Variants in ADD2 observed in about 807,000 individuals in gnomAD.
ADD2 encodes adducin 2, also known as beta-adducin.
Under a neutral mutation model 83.0 loss-of-function variants are expected in ADD2, and 23 were observed. The observed-to-expected ratio is 0.28, with a 90% CI of 0.20 to 0.39. The LOEUF (loss-of-function observed/expected upper bound fraction) is 0.39. ADD2 is among the 10% of genes least tolerant of loss of function. The probability of loss-of-function intolerance (pLI) is 1.00; values close to 1 mark genes in which losing one functional copy is unlikely to be tolerated. For missense variants in ADD2, 758 were observed against 944.9 expected (o/e 0.80, Z 2.59); for synonymous variants, 375 against 375.4 (o/e 1.00, Z 0.01).
At chr2:70,761,081 T>C (rs1675061133) in intron 1 of ADD2, among the ~76,000 whole-genome samples, 1 of 152,130 alleles carries the variant, frequency 6.6e-6, no homozygotes, top group Non-Finnish European at 1.5e-5. Context: ...TTCCAACTAA[T>C]CAAGGAATAA....
intron 1 of ADD2, among the ~76,000 whole-genome samples, chr2:70,747,907 G>A (rs1241813046): frequency 3.3e-5 from 5 of 152,146 alleles, no homozygotes; most frequent in South Asian, 2.1e-4. Flanking sequence ...GTCAACAATC[G>A]AAATGGTACA....
At chr2:70,704,263 T>TGCCCCCCCCCACCCCCCCCC in intron 4 of ADD2, 58 bp downstream of exon 4, 1 of 913,238 alleles carries the variant, frequency 1.1e-6, no homozygotes, top group Non-Finnish European at 1.7e-6. Flanking sequence ...CTCCCTCTCT[T>TGCCCCCCCCCACCCCCCCCC]CCCCACCCCA....
rs1670987350 is a variant in ADD2 at position 70,690,793 on chromosome 2, G to A, written c.842C>T (p.Thr281Ile). The A allele has an allele frequency of 1.2e-6, 2 of 1,612,208 alleles. No homozygotes were observed. Among genetic ancestry groups the A allele is most frequent in the Admixed American group, 1.7e-5 (1 of 59,556 alleles). ...CAGAAGAGCTAAGCTAACCTTGCAGGTGGGTCCAAGGCACTTCTGCAGGTT... is the reference window on the plus strand; with the variant it reads ...CAGAAGAGCTAAGCTAACCTTGCAGATGGGTCCAAGGCACTTCTGCAGGTT... ...RINLQKCLGPTCKILVLRNHG... is the reference protein window; with the variant it reads ...RINLQKCLGPICKILVLRNHG... The change falls in exon 8 of 16, where the codon ACC becomes ATC. Residue 281 changes from threonine (T) to isoleucine (I), a missense_variant. This residue lies in a region of ADD2 where 394 missense variants were observed against 509.3 expected (regional missense o/e 0.77). Coordinates refer to ENST00000264436, the MANE Select transcript of ADD2 (RefSeq NM_001617.4).
chr2:70,697,330 T>C (rs1276661751), intron 4 of ADD2, among the ~76,000 whole-genome samples: 1 of 152,144 alleles, frequency 6.6e-6, no homozygotes, highest in Non-Finnish European at 1.5e-5. Flanking sequence ...TGGTTCTTTC[T>C]GGGAATTTGA....
intron 1 of ADD2, among the ~76,000 whole-genome samples, chr2:70,728,283 C>T (rs1280989038): frequency 6.6e-6 from 1 of 152,204 alleles, no homozygotes; most frequent in African/African-American, 2.4e-5. Flanking sequence ...ATTTCCAGTA[C>T]CTGTCTGCCA....
intron 7 of ADD2, 32 bp downstream of exon 7, chr2:70,692,371 T>G (rs1553371813): frequency 1.3e-6 from 2 of 1,510,378 alleles, no homozygotes; most frequent in South Asian, 2.7e-5. Flanking sequence ...CCTTACGTCT[T>G]TCCTTGGGTG....
intron 1 of ADD2, among the ~76,000 whole-genome samples, chr2:70,728,594 C>T (rs1673127739): frequency 6.6e-6 from 1 of 152,230 alleles, no homozygotes; most frequent in African/African-American, 2.4e-5. Flanking sequence ...TGTGAAAATA[C>T]ATTAAATGCT....
intron 2 of ADD2, among the ~76,000 whole-genome samples, chr2:70,711,855 C>T (rs1051839904): frequency 2.6e-5 from 4 of 152,116 alleles, no homozygotes; most frequent in Non-Finnish European, 5.9e-5. Flanking sequence ...ATGGGAACTC[C>T]TAAATTTATA....
rs1350255070 is a variant in ADD2 at position 70,661,135 on chromosome 2, TAG to T, written c.*2288_*2289del. On this transcript the variant is annotated 3_prime_UTR_variant, in exon 16 of 16. Coordinates refer to ENST00000264436, the MANE Select transcript of ADD2 (RefSeq NM_001617.4). ...AAGTGAGGCCTCATTGTCAAGGGAA[TAG>T]AGTGTGTTGAATGCAGAGGCAATCA... 3 of 152,130 alleles carry T rather than the reference TAG, an allele frequency of 2.0e-5. No homozygotes were observed. Among genetic ancestry groups the T allele is most frequent in the Non-Finnish European group, 2.9e-5 (2 of 68,018 alleles). 9.4% of individuals were successfully genotyped at this position (152,130 alleles called of 1,614,324 possible).
rs1675577535 is a variant in ADD2, at chr2:70,662,531, G to A, written c.*894C>T. On this transcript the variant is annotated 3_prime_UTR_variant, in exon 16 of 16. Coordinates refer to ENST00000264436, the MANE Select transcript of ADD2 (RefSeq NM_001617.4). Reference sequence around the variant, plus strand: ...TGCATTGCTCCAGGTGTCATGCAAAGCTAGAAAGTCAGCATTTCCTCTGTT... The same window carrying A: ...TGCATTGCTCCAGGTGTCATGCAAAACTAGAAAGTCAGCATTTCCTCTGTT... The A allele has an allele frequency of 6.6e-6, 1 of 152,232 alleles. No individual in the cohort carries two copies. Among genetic ancestry groups the A allele is most frequent in the African/African-American group, 2.4e-5 (1 of 41,446 alleles). The allele number at this position is 152,232 out of a possible 1,614,324, so 9.4% of individuals were successfully genotyped here.
intron 4 of ADD2, 52 bp downstream of exon 4, chr2:70,704,269 C>CCCCCCCCCCCCCCCCCCCCG: frequency 8.4e-7 from 1 of 1,187,734 alleles, no homozygotes; most frequent in Non-Finnish European, 1.2e-6. Context: ...CTCTTCCCCA[C>CCCCCCCCCCCCCCCCCCCCG]CCCACCCTCC....
In ADD2 at chr2:70,690,885, G is replaced by T. The variant is rs782336757; in HGVS notation, c.750C>A (p.Ala250=). The change falls in exon 8 of 16, where the codon GCC becomes GCA. Residue 250 remains alanine, a synonymous_variant. Coordinates refer to ENST00000264436, the MANE Select transcript of ADD2 (RefSeq NM_001617.4). ...KWGLLPVSHN[A]LLVGDMAYYD... is the part of the protein sequence containing the mutation. The stretch of plus-strand genomic sequence containing the variant: ...AATAGGCCATGTCCCCCACCAGCAG[G>T]GCATTGTGGGAGACAGGCAGGAGGC... 6.2e-7 allele frequency: 1 copy of T among 1,613,894 alleles called. No individual in the cohort carries two copies. Among genetic ancestry groups the T allele is most frequent in the Non-Finnish European group, 8.5e-7 (1 of 1,179,992 alleles).
intron 1 of ADD2, among the ~76,000 whole-genome samples, chr2:70,725,083 A>G (rs1672918484): frequency 6.6e-6 from 1 of 152,206 alleles, no homozygotes; most frequent in Non-Finnish European, 1.5e-5. Flanking sequence ...TACTTTTACA[A>G]GCTGCGAGGG....
In ADD2 at chr2:70,674,324, T is replaced by C. The variant is rs1333740437; in HGVS notation, c.1741+354A>G. Among the ~76,000 whole-genome samples the C allele has an allele frequency of 2.6e-5, 4 of 152,186 alleles. No homozygotes were observed. The South Asian group carries it at 8.3e-4, about 32-fold the overall frequency. On this transcript the variant is annotated intron_variant, in intron 14 of 15. Transcript: ENST00000264436. Reference sequence around the variant, plus strand: ...GGTGTCAGCTGGTGGAGGGTTTTGATTGCCAGGCTAAAAGGCTTATAGTAG... The same window carrying C: ...GGTGTCAGCTGGTGGAGGGTTTTGACTGCCAGGCTAAAAGGCTTATAGTAG...
At chr2:70,754,356 G>A (rs1382137060) in intron 1 of ADD2, among the ~76,000 whole-genome samples, 1 of 152,080 alleles carries the variant, frequency 6.6e-6, no homozygotes, top group Admixed American at 6.5e-5. Flanking sequence ...AAGCTAAAAT[G>A]TGGCTCTCCC....
intron 13 of ADD2, chr2:70,675,355 C>T: frequency 7.1e-6 from 7 of 986,312 alleles, no homozygotes; most frequent in Non-Finnish European, 8.4e-6. Flanking sequence ...CTGTTTCACA[C>T]ACAGTTGTAA....
Position 70,672,947 on chromosome 2 carries a change from G to A in ADD2, c.1801C>T (p.Pro601Ser), listed in dbSNP as rs781787461. 2 of 1,613,926 alleles carry A rather than the reference G, an allele frequency of 1.2e-6. No homozygotes were observed. The highest frequency in any genetic ancestry group is 1.7e-6 in the Non-Finnish European group (2 of 1,179,996). The change falls in exon 15 of 16, where the codon CCA becomes TCA. Residue 601 changes from proline (P) to serine (S), a missense_variant. Pro to Ser is a moderately conservative substitution (Grantham distance 74). This residue lies in a region of ADD2 where 165 missense variants were observed against 176.2 expected (regional missense o/e 0.94). Transcript: ENST00000264436. ...GCCTCCTTCGCTGGGCTCTGCACTG[G>A]AGAAGCAGGTGCAGACTTTGCAGGT... Reference protein sequence around the residue: ...GSPAKSAPASPVQSPAKEAET... With the variant: ...GSPAKSAPASSVQSPAKEAET...
intron 1 of ADD2, among the ~76,000 whole-genome samples, chr2:70,764,261 A>G (rs1278052301): frequency 6.6e-6 from 1 of 151,954 alleles, no homozygotes; most frequent in Non-Finnish European, 1.5e-5. Flanking sequence ...ATCTAATTCA[A>G]ATATTGTTAA....
chr2:70,678,838 G>A lies in ADD2; in HGVS notation c.1249C>T (p.Pro417Ser), dbSNP rs868957844. Residue 417 changes from proline to serine, a missense_variant, in exon 11 of 16, where the codon CCC (proline) becomes TCC (serine). Transcript: ENST00000264436. The stretch of plus-strand genomic sequence containing the variant: ...TTCTGGGCATGCTGTCGCAGGGCGG[G>A]CACCGGGGCACCGTCCTCCTCAAAC... ...FVFEEDGAPV[P>S]ALRQHAQKQQ... The A allele has an allele frequency of 5.0e-6, 8 of 1,614,060 alleles. No homozygotes were observed. In the African/African-American group the frequency reaches 1.1e-4, roughly 22 times the overall value.
Sources: allele counts gnomAD v4.1 joint callset (sites outside exome capture counted in the v4.1 genomes callset), GRCh38; gene constraint gnomAD v4.1.1; regional missense constraint gnomAD v4.1.1; transcripts MANE v1.5; gene names NCBI Gene and HGNC (gene_info 2026-07-23, HGNC 2026-07-21).